The following MASP2 variants were observed in gnomAD, a reference collection of about 807,000 sequenced individuals.
MASP2 encodes the protein mannan-binding lectin serine protease 2.
A neutral mutation model predicts 57.1 loss-of-function variants in MASP2; 49 were observed. That is an observed-to-expected ratio of 0.86 (90% CI 0.68 to 1.09). The LOEUF is 1.09. Ranked by LOEUF, MASP2 falls within the 50% of genes least tolerant of loss-of-function variation. The probability of loss-of-function intolerance (pLI) is 0.00; values close to 1 mark genes in which losing one functional copy is unlikely to be tolerated. For synonymous variants in MASP2, 379 were observed against 340.8 expected, an observed-to-expected ratio of 1.11 and a Z score of -1.24; for missense variants, 900 against 874.8, an observed-to-expected ratio of 1.03 and a Z score of -0.36.
chr1:11,030,005 CTG>C, intron 10 of MASP2, 169 bp downstream of exon 10: 1 of 551,224 alleles, frequency 1.8e-6, no homozygotes, highest in Non-Finnish European at 3.2e-6. Flanking sequence ...CTAACAACCT[CTG>C]TATATGGGAA....
intron 7 of MASP2, 92 bp from the exon 8 acceptor site, chr1:11,034,998 GT>G: frequency 1.2e-6 from 1 of 811,004 alleles, no homozygotes; most frequent in Non-Finnish European, 1.9e-6. Flanking sequence ...CTATTCTAGT[GT>G]TTTACGAGGT....
At chr1:11,044,488 T>A (rs1381803030) in intron 4 of MASP2, among the ~76,000 whole-genome samples, 1 of 152,134 alleles carries the variant, frequency 6.6e-6, no homozygotes, top group Non-Finnish European at 1.5e-5. Context: ...GGGGACCAGA[T>A]TACCCCTCAA....
chr1:11,041,685 G>A (rs1638448585), intron 6 of MASP2, among the ~76,000 whole-genome samples: 1 of 151,620 alleles, frequency 6.6e-6, no homozygotes, highest in Non-Finnish European at 1.5e-5. Flanking sequence ...ATGGATGGCT[G>A]GAAGTATGGG....
At chr1:11,028,724 T>G (rs191751373) in intron 10 of MASP2, among the ~76,000 whole-genome samples, 7,904 of 150,120 alleles carry the variant, frequency 0.053, 327 homozygotes, top group Admixed American at 0.082. Context: ...TTTTTTTTTT[T>G]TTTTTTTGAG....
At chr1:11,044,478 G>A (rs1177604341) in intron 4 of MASP2, among the ~76,000 whole-genome samples, 4 of 152,162 alleles carry the variant, frequency 2.6e-5, no homozygotes, top group African/African-American at 4.8e-5. Context: ...TGGATTTGCG[G>A]GGGACCAGAT....
rs780086747 is a variant in MASP2 at position 11,043,371 on chromosome 1, GGT to G, written c.707_708del (p.His236ProfsTer2). The G allele has an allele frequency of 1.2e-6, 2 of 1,609,246 alleles. No homozygotes were observed. Among genetic ancestry groups the G allele is most frequent in the East Asian group, 2.2e-5 (1 of 44,850 alleles). ...DFVESFDVET[H>X]PETLCPYDFL... is the part of the protein sequence containing the mutation. ...AAGTCGTAGGGACACAGGGTTTCAGGGTGTGTCTCCACATCGAAGGACTCCAC... is the reference window on the plus strand; with the variant it reads ...AAGTCGTAGGGACACAGGGTTTCAGGGTGTCTCCACATCGAAGGACTCCAC... On this transcript the variant is annotated frameshift_variant, in exon 5 of 11. Coordinates refer to ENST00000400897, the MANE Select transcript of MASP2 (RefSeq NM_006610.4). LOFTEE classifies it high-confidence loss of function.
intron 8 of MASP2, among the ~76,000 whole-genome samples, chr1:11,033,384 C>A (rs1643866951): frequency 6.6e-6 from 1 of 151,730 alleles, no homozygotes; most frequent in African/African-American, 2.4e-5. Context: ...GTGGCTCATG[C>A]CTGTACTACT....
chr1:11,027,727 G>A, intron 10 of MASP2, 79 bp from the exon 11 acceptor site: 1 of 1,462,428 alleles, frequency 6.8e-7, no homozygotes, highest in Non-Finnish European at 9.2e-7. Flanking sequence ...CCGCCTTGAA[G>A]TATATATTTG....
intron 7 of MASP2, among the ~76,000 whole-genome samples, chr1:11,036,453 G>A (rs1160249996): frequency 5.2e-5 from 7 of 135,762 alleles, no homozygotes; most frequent in East Asian, 2.3e-4. Flanking sequence ...GCAGTGAGCC[G>A]AGATTGCGCC....
Position 11,027,035 on chromosome 1 carries a change from C to G in MASP2, c.1911G>C (p.Leu637=). 4 of 1,596,268 alleles carry G rather than the reference C, an allele frequency of 2.5e-6. No individual in the cohort carries two copies. Among genetic ancestry groups the G allele is most frequent in the Non-Finnish European group, 3.4e-6 (4 of 1,171,466 alleles). Residue 637 remains leucine (L), a synonymous_variant, in exon 11 of 11, where the codon CTG becomes CTC. Coordinates refer to ENST00000400897, the MANE Select transcript of MASP2 (RefSeq NM_006610.4). ...TCTCTGTTTCACTATCTAGAAACACCAGTGCCCCTCCGCTGTCACCTCTGC... is the reference window on the plus strand; with the variant it reads ...TCTCTGTTTCACTATCTAGAAACACGAGTGCCCCTCCGCTGTCACCTCTGC... ...DSCRGDSGGA[L]VFLDSETERW...
Position 11,027,137 on chromosome 1 carries a change from T to G in MASP2, c.1809A>C (p.Glu603Asp), listed in dbSNP as rs1270996446. The change falls in exon 11 of 11, where the codon GAA becomes GAC. Residue 603 changes from glutamate to aspartate, a missense_variant. Glu to Asp is a conservative substitution (Grantham distance 45). Coordinates refer to ENST00000400897, the MANE Select transcript of MASP2 (RefSeq NM_006610.4). ...CACTTCCCCTTGGATAGGGTGGCTT[T>G]TCATATGCAGCAGTACATTTTTGAT... The part of the protein sequence containing the change: ...VDHQKCTAAY[E>D]KPPYPRGSVT... 5.6e-6 allele frequency: 9 copies of G among 1,613,234 alleles called. No homozygotes were observed. The highest frequency in any genetic ancestry group is 7.6e-6 in the Non-Finnish European group (9 of 1,179,638).
intron 3 of MASP2, chr1:11,045,855 G>A (rs1638623083): frequency 5.0e-6 from 2 of 398,486 alleles, no homozygotes; most frequent in Admixed American, 7.6e-5. Context: ...AACCCTTGCA[G>A]CAGCTTCCTA....
intron 3 of MASP2, 138 bp downstream of exon 3, chr1:11,046,418 G>T: frequency 2.1e-6 from 2 of 930,454 alleles, no homozygotes; most frequent in Non-Finnish European, 3.3e-6. Context: ...TTGCATTGTG[G>T]ATGATGTCAG....
chr1:11,031,766 G>T (rs1447541960), intron 8 of MASP2, among the ~76,000 whole-genome samples: 1 of 151,674 alleles, frequency 6.6e-6, no homozygotes, highest in African/African-American at 2.4e-5. Flanking sequence ...CTCTACAAAA[G>T]GTAAATTGGC....
chr1:11,026,864 C>T lies in MASP2; in HGVS notation c.*21G>A. On this transcript the variant is annotated 3_prime_UTR_variant, in exon 11 of 11. Coordinates refer to ENST00000400897, the MANE Select transcript of MASP2 (RefSeq NM_006610.4). ...ACAGGCATTTCTAAAAATGAAGAAT[C>T]CTTGACTGCAGACACGCAAGTTAAA... The T allele has an allele frequency of 6.8e-7, 1 of 1,466,796 alleles. No individual in the cohort carries two copies. 90.9% of individuals were successfully genotyped at this position (1,466,796 alleles called of 1,614,324 possible).
At chr1:11,037,291 G>A (rs778764202) in intron 7 of MASP2, among the ~76,000 whole-genome samples, 3 of 151,964 alleles carry the variant, frequency 2.0e-5, no homozygotes, top group Non-Finnish European at 2.9e-5. Flanking sequence ...GTTTCACCAC[G>A]TTGGCCAGGC....
At chr1:11,031,110 G>GT (rs1392927893) in intron 8 of MASP2, among the ~76,000 whole-genome samples, 2 of 152,066 alleles carry the variant, frequency 1.3e-5, no homozygotes, top group African/African-American at 2.4e-5. Flanking sequence ...GAGGTGGGAG[G>GT]TAACTAAATG....
At position 11,028,697 on chromosome 1, in the gene MASP2, GTTTTTTTTCTTTTTT is replaced by G. The variant is rs1237555284; in HGVS notation, c.1298-1064_1298-1050del. On this transcript the variant is annotated intron_variant, in intron 10 of 10. Transcript: ENST00000400897. Reference sequence around the variant, plus strand: ...AATTAATATATTACTATCTTTCTGGGTTTTTTTTCTTTTTTTTTTTTTTTTTTTTTTTTTGAGACA... The same window carrying G: ...AATTAATATATTACTATCTTTCTGGGTTTTTTTTTTTTTTTTTTTGAGACA... 1.9e-4 allele frequency among the ~76,000 whole-genome samples: 7 copies of G among 36,164 alleles called. No homozygotes were observed. The South Asian group carries it at 4.7e-3, about 24-fold the overall frequency. The allele number at this position is 36,164 out of a possible 152,430, so 23.7% of individuals were successfully genotyped here. A position where few individuals can be genotyped will look rare whatever the true frequency, so the allele number is the denominator to read the frequency against.
intron 10 of MASP2, among the ~76,000 whole-genome samples, chr1:11,029,222 G>A (rs1228327640): frequency 2.0e-5 from 3 of 150,886 alleles, no homozygotes; most frequent in Non-Finnish European, 2.9e-5. Flanking sequence ...AGATGGTCTC[G>A]ATCTCCTGAC....
Sources: allele counts gnomAD v4.1 joint callset (sites outside exome capture counted in the v4.1 genomes callset), GRCh38; gene constraint gnomAD v4.1.1; transcripts MANE v1.5; gene names NCBI Gene and HGNC (gene_info 2026-07-23, HGNC 2026-07-21).